The following ZNF470 variants were observed in gnomAD, a reference collection of about 807,000 sequenced individuals.
The protein encoded by ZNF470 is zinc finger protein 470, also known as chondrogenesis zinc finger protein 1.
ZNF470 carries 13 observed loss-of-function variants against 13.9 expected under a neutral mutation model. That is an observed-to-expected ratio of 0.94 (90% CI 0.61 to 1.49). The LOEUF (loss-of-function observed/expected upper bound fraction) is 1.49. ZNF470 is among the 40% of genes most tolerant of loss of function. The probability of loss-of-function intolerance (pLI) is 0.00; values close to 1 mark genes in which losing one functional copy is unlikely to be tolerated. For synonymous variants in ZNF470, 293 were observed against 282.9 expected (o/e 1.04, Z -0.36); for missense variants, 929 against 857.3 (o/e 1.08, Z -1.04).
Position 56,567,788 on chromosome 19 carries a change from G to A in ZNF470, c.-409G>A. 1.0e-6 allele frequency: 1 copy of A among 987,540 alleles called. No individual in the cohort carries two copies. Among genetic ancestry groups the A allele is most frequent in the Non-Finnish European group, 1.2e-6 (1 of 831,590 alleles). 61.2% of individuals were successfully genotyped at this position (987,540 alleles called of 1,614,324 possible). On this transcript the variant is annotated 5_prime_UTR_variant, in exon 1 of 6. The change creates a premature stop within an existing upstream ORF in the 5' untranslated region. Transcript: ENST00000330619. ...CGGCGTGCGGAAGGCGGTGTGTGTT[G>A]GAATGAGTGAAGCACTTTAAGTGGC...
rs1299109930 is a variant in ZNF470, at chr19:56,578,113, G to T, written c.1684G>T (p.Glu562Ter). ...TCAGCACCAGAGAGTTCATACTGGT[G>T]AGAAGCCTTACGAATGTATTGAATG... ...LVQHQRVHTGEKPYECIECGK... is the reference protein window; with the variant it reads ...LVQHQRVHTG Residue 562 changes from glutamate to a stop codon, truncating the protein, a stop_gained, in exon 6 of 6, where the codon GAG becomes TAG. Transcript: ENST00000330619. LOFTEE classifies it low-confidence loss of function (END_TRUNC). The T allele has an allele frequency of 1.9e-6, 3 of 1,614,046 alleles. No individual in the cohort carries two copies. The highest frequency in any genetic ancestry group is 2.5e-6 in the Non-Finnish European group (3 of 1,179,990).
At position 56,582,104 on chromosome 19, in the gene ZNF470, T is replaced by G. The variant is rs773145868; in HGVS notation, c.*3521T>G. On this transcript the variant is annotated 3_prime_UTR_variant, in exon 6 of 6. Transcript: ENST00000330619. ...AAATCAGGTATTGGGAGTTGCTTTT[T>G]GGATGAGATGGGGCGAATAAGACTT... 1.5e-4 allele frequency: 143 copies of G among 985,266 alleles called. No homozygotes were observed. Among genetic ancestry groups the G allele is most frequent in the Non-Finnish European group, 1.6e-4 (136 of 829,936 alleles). The allele number at this position is 985,266 out of a possible 1,614,324, so 61.0% of individuals were successfully genotyped here. A position where few individuals can be genotyped will look rare whatever the true frequency, so the allele number is the denominator to read the frequency against.
rs1468824311 is a variant in ZNF470 at position 56,577,711 on chromosome 19, A to G, written c.1282A>G (p.Asn428Asp). 2 of 1,610,978 alleles carry G rather than the reference A, an allele frequency of 1.2e-6. No individual in the cohort carries two copies. Among genetic ancestry groups the G allele is most frequent in the East Asian group, 2.2e-5 (1 of 44,848 alleles). Residue 428 changes from asparagine to aspartate, a missense_variant, in exon 6 of 6, where the codon AAT (asparagine) becomes GAT (aspartate). Coordinates refer to ENST00000330619, the MANE Select transcript of ZNF470 (RefSeq NM_001001668.4). The stretch of plus-strand genomic sequence containing the variant: ...TACTGGAGAGAGACCTTACAAATGT[A>G]ATGTGTGTGGGAAGGCTTTTAGCCA... ...THTGERPYKCNVCGKAFSHGS... is the reference protein window; with the variant it reads ...THTGERPYKCDVCGKAFSHGS...
intron 2 of ZNF470, among the ~76,000 whole-genome samples, chr19:56,569,795 A>G (rs1411824863): frequency 2.6e-5 from 4 of 151,988 alleles, no homozygotes; most frequent in Non-Finnish European, 2.9e-5. Context: ...ATAGTGAGCA[A>G]TTGGGCAATA....
rs370650023 is a variant in ZNF470, at chr19:56,578,003, C to T, written c.1574C>T (p.Ala525Val). The T allele has an allele frequency of 3.9e-5, 63 of 1,613,136 alleles. No individual in the cohort carries two copies. Among genetic ancestry groups the T allele is most frequent in the East Asian group, 1.8e-4 (8 of 44,868 alleles). Residue 525 changes from alanine to valine, a missense_variant, in exon 6 of 6, where the codon GCG becomes GTG. Transcript: ENST00000330619. ...ACCTTCAGCCAGAATGCACACCTCGCGCAACATCAGAAAATACACACTGGG... is the reference window on the plus strand; with the variant it reads ...ACCTTCAGCCAGAATGCACACCTCGTGCAACATCAGAAAATACACACTGGG... ...SKTFSQNAHL[A>V]QHQKIHTGEK...
Position 56,578,095 on chromosome 19 carries a change from C to G in ZNF470, c.1666C>G (p.Gln556Glu), listed in dbSNP as rs201576318. 3.7e-5 allele frequency: 60 copies of G among 1,613,894 alleles called. No homozygotes were observed. The highest frequency in any genetic ancestry group is 3.3e-4 in the Middle Eastern group (2 of 6,058). ...TCAGATTGCACACCTTGTTCAGCAC[C>G]AGAGAGTTCATACTGGTGAGAAGCC... ...FSQIAHLVQHQRVHTGEKPYE... is the reference protein window; with the variant it reads ...FSQIAHLVQHERVHTGEKPYE... Residue 556 changes from glutamine to glutamate, a missense_variant, in exon 6 of 6, where the codon CAG becomes GAG. Transcript: ENST00000330619.
intron 3 of ZNF470, among the ~76,000 whole-genome samples, chr19:56,570,951 A>G (rs1242635494): frequency 6.6e-6 from 1 of 152,182 alleles, no homozygotes; most frequent in African/African-American, 2.4e-5. Flanking sequence ...ACCGTATTTT[A>G]GCTCCTTCCT....
At chr19:56,574,820 C>T in intron 5 of ZNF470, 87 bp downstream of exon 5, 2 of 1,174,856 alleles carry the variant, frequency 1.7e-6, no homozygotes, top group Non-Finnish European at 2.4e-6. Flanking sequence ...CTCAAACTCC[C>T]TCCCAAACTG....
At position 56,579,612 on chromosome 19, in the gene ZNF470, G is replaced by A; in HGVS notation, c.*1029G>A. ...TTCGTGTGGTATTTAAATTGTTCTA[G>A]CATAAAATAAAATGCAATAAGACCT... On this transcript the variant is annotated 3_prime_UTR_variant, in exon 6 of 6. Transcript: ENST00000330619. 1.0e-6 allele frequency: 1 copy of A among 985,378 alleles called. No homozygotes were observed. Among genetic ancestry groups the A allele is most frequent in the South Asian group, 4.7e-5 (1 of 21,284 alleles). 61.0% of individuals were successfully genotyped at this position (985,378 alleles called of 1,614,324 possible).
In ZNF470 at chr19:56,574,443, G is replaced by A. The variant is rs1183911448; in HGVS notation, c.110G>A (p.Trp37Ter). 4 of 1,613,872 alleles carry A rather than the reference G, an allele frequency of 2.5e-6. No homozygotes were observed. Among genetic ancestry groups the A allele is most frequent in the Non-Finnish European group, 3.4e-6 (4 of 1,179,788 alleles). The part of the protein sequence containing the change: ...DVAIDFSQDE[W>*]EWLNLAQRSL... ...GCCATAGACTTTTCCCAAGATGAAT[G>A]GGAGTGGCTGAATCTTGCTCAGAGA... The change falls in exon 4 of 6, where the codon TGG (tryptophan) becomes TAG (stop). Residue 37 changes from tryptophan (W) to a stop codon, truncating the protein, a stop_gained. Coordinates refer to ENST00000330619, the MANE Select transcript of ZNF470 (RefSeq NM_001001668.4). LOFTEE classifies it high-confidence loss of function.
rs1379178089 is a variant in ZNF470, at chr19:56,578,104, C to T, written c.1675C>T (p.His559Tyr). The change falls in exon 6 of 6, where the codon CAT (histidine) becomes TAT (tyrosine). Residue 559 changes from histidine to tyrosine, a missense_variant. Transcript: ENST00000330619. ...ACACCTTGTTCAGCACCAGAGAGTT[C>T]ATACTGGTGAGAAGCCTTACGAATG... ...IAHLVQHQRV[H>Y]TGEKPYECIE... The T allele has an allele frequency of 6.2e-7, 1 of 1,614,034 alleles. No individual in the cohort carries two copies. The highest frequency in any genetic ancestry group is 1.7e-5 in the Admixed American group (1 of 59,994).
Position 56,579,069 on chromosome 19 carries a change from T to C in ZNF470, c.*486T>C. On this transcript the variant is annotated 3_prime_UTR_variant, in exon 6 of 6. Transcript: ENST00000330619. ...GTGGCTTATCACTCCCTCTGTGACA[T>C]TGTTGATGAGCAACTCTCACTTTAC... 2 of 985,748 alleles carry C rather than the reference T, an allele frequency of 2.0e-6. No homozygotes were observed. The highest frequency in any genetic ancestry group is 2.4e-6 in the Non-Finnish European group (2 of 830,180). 61.1% of individuals were successfully genotyped at this position (985,748 alleles called of 1,614,324 possible).
At position 56,578,882 on chromosome 19, in the gene ZNF470, T is replaced by G. The variant is rs965552021; in HGVS notation, c.*299T>G. The G allele has an allele frequency of 4.6e-6, 5 of 1,089,054 alleles. No individual in the cohort carries two copies. The highest frequency in any genetic ancestry group is 5.6e-6 in the Non-Finnish European group (5 of 897,414). The allele number at this position is 1,089,054 out of a possible 1,614,324, so 67.5% of individuals were successfully genotyped here. On this transcript the variant is annotated 3_prime_UTR_variant, in exon 6 of 6. Transcript: ENST00000330619. Reference sequence around the variant, plus strand: ...TTATTGCTAAATAAATGCTAGCCATTAAGGTAAAGGTTTCCTTACAAACTA... The same window carrying G: ...TTATTGCTAAATAAATGCTAGCCATGAAGGTAAAGGTTTCCTTACAAACTA...
chr19:56,577,194 C>A lies in ZNF470; in HGVS notation c.765C>A (p.Pro255=). Residue 255 remains proline, a synonymous_variant, in exon 6 of 6, where the codon CCC becomes CCA. Transcript: ENST00000330619. The part of the protein sequence containing the change: ...LHQRIHTGEK[P]YECIECGKAF... ...AAAGAATTCATACAGGAGAGAAACC[C>A]TATGAATGTATTGAATGTGGAAAGG... 6.2e-7 allele frequency: 1 copy of A among 1,612,750 alleles called. No individual in the cohort carries two copies. Among genetic ancestry groups the A allele is most frequent in the Non-Finnish European group, 8.5e-7 (1 of 1,179,602 alleles).
At chr19:56,570,164 G>A (rs1431434557) in intron 2 of ZNF470, 116 bp from the exon 3 acceptor site, 6 of 676,398 alleles carry the variant, frequency 8.9e-6, no homozygotes, top group Non-Finnish European at 1.6e-5. Flanking sequence ...ACTGTGGGGT[G>A]GGGGAGTTGG....
chr19:56,579,061 C>A lies in ZNF470; in HGVS notation c.*478C>A. 8.1e-6 allele frequency: 8 copies of A among 985,892 alleles called. No individual in the cohort carries two copies. Among genetic ancestry groups the A allele is most frequent in the Non-Finnish European group, 9.6e-6 (8 of 830,268 alleles). The allele number at this position is 985,892 out of a possible 1,614,324, so 61.1% of individuals were successfully genotyped here. ...GTAACATGGTGGCTTATCACTCCCT[C>A]TGTGACATTGTTGATGAGCAACTCT... On this transcript the variant is annotated 3_prime_UTR_variant, in exon 6 of 6. Coordinates refer to ENST00000330619, the MANE Select transcript of ZNF470 (RefSeq NM_001001668.4).
intron 3 of ZNF470, 107 bp downstream of exon 3, chr19:56,570,478 C>G: frequency 9.9e-7 from 1 of 1,012,184 alleles, no homozygotes. Flanking sequence ...CACCCTGAGG[C>G]CTGTTTCCTG....
At chr19:56,570,423 T>C in intron 3 of ZNF470, 52 bp downstream of exon 3, 2 of 1,542,406 alleles carry the variant, frequency 1.3e-6, no homozygotes, top group Non-Finnish European at 9.0e-7. Context: ...TTTTCTGGAT[T>C]TGGTAATACT....
chr19:56,571,800 TA>T (rs2044454119), intron 3 of ZNF470, among the ~76,000 whole-genome samples: 1 of 141,388 alleles, frequency 7.1e-6, no homozygotes, highest in East Asian at 2.1e-4. Flanking sequence ...TTTTTTTAAG[TA>T]GAGATGGGGT....
Sources: allele counts gnomAD v4.1 joint callset (sites outside exome capture counted in the v4.1 genomes callset), GRCh38; gene constraint gnomAD v4.1.1; transcripts MANE v1.5; gene names NCBI Gene and HGNC (gene_info 2026-07-23, HGNC 2026-07-21).